The following NF1 variants were observed in gnomAD, a reference collection of about 807,000 sequenced individuals.
NF1 encodes neurofibromin 1.
In NF1, 122 loss-of-function variants were observed where a neutral mutation model predicts 325.7. The ratio of observed to expected loss-of-function variants is 0.37; its 90% CI spans 0.32 to 0.44. NF1 has a LOEUF of 0.44. NF1 is among the 20% of genes least tolerant of loss of function. NF1 has a pLI of 1.00. For missense variants in NF1, 2,140 were observed against 3,415.4 expected (o/e 0.63, Z 9.31); for synonymous variants, 1,091 against 1,186.0 (o/e 0.92, Z 1.65).
chr17:31,213,568 T>C (rs915970881), intron 12 of NF1, among the ~76,000 whole-genome samples: 13 of 152,316 alleles, frequency 8.5e-5, no homozygotes, highest in Admixed American at 7.2e-4. Flanking sequence ...AGACATTCAT[T>C]CAGAATCAGA....
At position 31,350,037 on chromosome 17, in the gene NF1, G is replaced by A. The variant is rs929423352; in HGVS notation, c.7322-146G>A. 4 of 808,258 alleles carry A rather than the reference G, an allele frequency of 4.9e-6. 1 individual carries two copies. The South Asian group carries it at 5.9e-5, about 12-fold the overall frequency. The allele number at this position is 808,258 out of a possible 1,614,324, so 50.1% of individuals were successfully genotyped here. A position where few individuals can be genotyped will look rare whatever the true frequency, so the allele number is the denominator to read the frequency against. ...TAAAAGATGCTTATTAAATCTCTCT[G>A]TATATTTCACATTTATGTAGTCTTC... On this transcript the variant is annotated intron_variant, in intron 49 of 57. Transcript: ENST00000358273.
At chr17:31,349,304 C>A (rs2151573193) in intron 49 of NF1, 53 bp downstream of exon 49, 1 of 1,582,742 alleles carries the variant, frequency 6.3e-7, no homozygotes, top group Non-Finnish European at 8.6e-7. Context: ...ATATAAGGAT[C>A]ACCCAAAAAG....
rs2151561783 is a variant in NF1 at position 31,340,584 on chromosome 17, G to C, written c.7001G>C (p.Gly2334Ala). ...GATGAGGTCAACTTGTATTCAGCAG[G>C]TACCGCACTTCTTGAACAAAACCTG... Reference protein sequence around the residue: ...QLDEVNLYSAGTALLEQNLHT... With the variant: ...QLDEVNLYSAATALLEQNLHT... The change falls in exon 47 of 58, where the codon GGT becomes GCT. Residue 2334 changes from glycine (G) to alanine (A), a missense_variant. Physicochemically the swap from Gly to Ala is moderately conservative, Grantham distance 60 (BLOSUM62 0). Transcript: ENST00000358273. The C allele has an allele frequency of 6.2e-7, 1 of 1,614,084 alleles. No individual in the cohort carries two copies. The highest frequency in any genetic ancestry group is 8.5e-7 in the Non-Finnish European group (1 of 1,180,008).
intron 29 of NF1, among the ~76,000 whole-genome samples, chr17:31,246,842 T>G (rs564651466): frequency 6.6e-5 from 10 of 152,326 alleles, no homozygotes; most frequent in Admixed American, 3.3e-4. Flanking sequence ...CTAGTAAGTC[T>G]GCCTGCGGAA....
chr17:31,355,904 A>G (rs1265600066), intron 51 of NF1: 2 of 155,606 alleles, frequency 1.3e-5, no homozygotes, highest in South Asian at 1.9e-4. Context: ...TAAAAGCCAA[A>G]TGGGAGATAA....
intron 35 of NF1, among the ~76,000 whole-genome samples, chr17:31,263,373 C>A (rs2067728556): frequency 6.6e-6 from 1 of 151,836 alleles, no homozygotes; most frequent in South Asian, 2.1e-4. Context: ...ATGCAGTGAA[C>A]TGTGATTGCA....
At chr17:31,292,286 A>C (rs1016628608) in intron 36 of NF1, among the ~76,000 whole-genome samples, 1 of 152,224 alleles carries the variant, frequency 6.6e-6, no homozygotes, top group African/African-American at 2.4e-5. Context: ...TGCTTGAGAG[A>C]TAGATGCTAA....
chr17:31,358,372 T>A, intron 54 of NF1, 108 bp from the exon 55 acceptor site: 1 of 1,196,710 alleles, frequency 8.4e-7, no homozygotes, highest in Non-Finnish European at 1.2e-6. Flanking sequence ...CTCATCTCCC[T>A]TTAATTTTGG....
At chr17:31,304,620 A>C (rs1234947657) in intron 36 of NF1, 1 of 1,614,170 alleles carries the variant, frequency 6.2e-7, no homozygotes, top group Non-Finnish European at 8.5e-7. Flanking sequence ...CTGAAGAAGA[A>C]ACAGCAGTTC....
chr17:31,109,565 A>T (rs962473466), intron 1 of NF1, among the ~76,000 whole-genome samples: 17 of 151,718 alleles, frequency 1.1e-4, no homozygotes, highest in Non-Finnish European at 2.2e-4. Context: ...TGTATTTTTA[A>T]TAGAGAAGGT....
At chr17:31,104,706 C>G (rs1203865113) in intron 1 of NF1, among the ~76,000 whole-genome samples, 1 of 152,134 alleles carries the variant, frequency 6.6e-6, no homozygotes. Flanking sequence ...TTGTAAATTT[C>G]TGTATCATAC....
At chr17:31,113,462 T>C (rs1597574246) in intron 1 of NF1, among the ~76,000 whole-genome samples, 2 of 152,242 alleles carry the variant, frequency 1.3e-5, no homozygotes, top group Admixed American at 6.5e-5. Context: ...CAGGCTGGTC[T>C]CGAGCACCTG....
intron 17 of NF1, 64 bp downstream of exon 17, chr17:31,225,314 T>G (rs2066995059): frequency 1.3e-6 from 2 of 1,575,810 alleles, no homozygotes; most frequent in South Asian, 2.2e-5. Flanking sequence ...TGAATGAAAT[T>G]TGGTAAATTT....
chr17:31,169,705 C>G (rs1320209882), intron 4 of NF1, among the ~76,000 whole-genome samples, 186 bp from the exon 5 acceptor site: 1 of 151,830 alleles, frequency 6.6e-6, no homozygotes, highest in Non-Finnish European at 1.5e-5. Flanking sequence ...GCCATCATGC[C>G]CAGCTAATTT....
intron 36 of NF1, among the ~76,000 whole-genome samples, chr17:31,294,315 A>G (rs1323470362): frequency 2.0e-5 from 3 of 152,190 alleles, no homozygotes; most frequent in Non-Finnish European, 4.4e-5. Context: ...CAAAAAACAC[A>G]ACCGTTAAAC....
At chr17:31,170,678 C>T (rs1217173657) in intron 5 of NF1, among the ~76,000 whole-genome samples, 1 of 151,976 alleles carries the variant, frequency 6.6e-6, no homozygotes, top group Non-Finnish European at 1.5e-5. Context: ...CTGTAGTAAG[C>T]AGTGATGTGT....
At chr17:31,364,518 C>G (rs570629156) in intron 57 of NF1, among the ~76,000 whole-genome samples, 3 of 152,342 alleles carry the variant, frequency 2.0e-5, no homozygotes, top group South Asian at 2.1e-4. Context: ...TCCTCCTCCC[C>G]CTCCTGCCCC....
chr17:31,250,231 T>A, intron 30 of NF1: 1 of 310,042 alleles, frequency 3.2e-6, no homozygotes, highest in Non-Finnish European at 6.3e-6. Context: ...TCCTGTATAG[T>A]TTTTTCAACT....
At chr17:31,311,295 G>T (rs1333785937) in intron 36 of NF1, among the ~76,000 whole-genome samples, 1 of 151,946 alleles carries the variant, frequency 6.6e-6, no homozygotes, top group Non-Finnish European at 1.5e-5. Context: ...TACTTAAAGG[G>T]TCCAGCATTT....
Sources: allele counts gnomAD v4.1 joint callset (sites outside exome capture counted in the v4.1 genomes callset), GRCh38; gene constraint gnomAD v4.1.1; transcripts MANE v1.5; gene names NCBI Gene and HGNC (gene_info 2026-07-23, HGNC 2026-07-21).